Variants in CIB4 observed in about 807,000 individuals in gnomAD.
CIB4 encodes the protein calcium and integrin binding family member 4, also known as calcium and integrin-binding family member 4.
A neutral mutation model predicts 25.8 loss-of-function variants in CIB4; 25 were observed. The ratio of observed to expected loss-of-function variants is 0.97; its 90% CI spans 0.71 to 1.35. The LOEUF is 1.35. CIB4 is among the 40% of genes most tolerant of loss of function. The pLI, the probability that CIB4 is intolerant of heterozygous loss-of-function variation, is 0.00. For synonymous variants in CIB4, 75 were observed against 81.4 expected (o/e 0.92, Z 0.42); for missense variants, 235 against 228.2 (o/e 1.03, Z -0.19).
chr2:26,609,281 AG>A (rs1668951670), intron 3 of CIB4, among the ~76,000 whole-genome samples: 1 of 152,118 alleles, frequency 6.6e-6, no homozygotes, highest in Non-Finnish European at 1.5e-5. Context: ...CAGGCACTCC[AG>A]GATAGAGGCT....
At chr2:26,612,067 C>T (rs1189775852) in intron 3 of CIB4, among the ~76,000 whole-genome samples, 2 of 152,172 alleles carry the variant, frequency 1.3e-5, no homozygotes, top group Non-Finnish European at 2.9e-5. Flanking sequence ...AAGTGCACTC[C>T]AGAGACAATT....
chr2:26,617,147 T>TGTGTGCGCGCGC (rs10665609), intron 3 of CIB4, among the ~76,000 whole-genome samples: 3 of 150,412 alleles, frequency 2.0e-5, no homozygotes, highest in South Asian at 4.2e-4. Context: ...TGTGTGTGTG[T>TGTGTGCGCGCGC]GCACGTGAGC....
At chr2:26,590,329 T>G (rs979660942) in intron 4 of CIB4, among the ~76,000 whole-genome samples, 1 of 144,208 alleles carries the variant, frequency 6.9e-6, no homozygotes, top group African/African-American at 2.5e-5. Context: ...AAGCAGTGGG[T>G]TAGATCAATG....
At chr2:26,606,788 G>A (rs1291998137) in intron 3 of CIB4, among the ~76,000 whole-genome samples, 1 of 152,156 alleles carries the variant, frequency 6.6e-6, no homozygotes, top group East Asian at 1.9e-4. Flanking sequence ...CCCTGTGTTT[G>A]AGATGCTCAA....
chr2:26,584,460 G>A (rs1668412285), intron 4 of CIB4, among the ~76,000 whole-genome samples: 1 of 152,218 alleles, frequency 6.6e-6, no homozygotes. Flanking sequence ...ATCTGGGCAT[G>A]TGCCCTCACC....
intron 4 of CIB4, among the ~76,000 whole-genome samples, chr2:26,590,600 T>G (rs1668571264): frequency 6.6e-6 from 1 of 152,156 alleles, no homozygotes; most frequent in African/African-American, 2.4e-5. Flanking sequence ...TCCTTCTTCA[T>G]CCTTCACTGT....
chr2:26,619,063 G>C (rs569791322), intron 3 of CIB4, among the ~76,000 whole-genome samples: 1 of 152,160 alleles, frequency 6.6e-6, no homozygotes, highest in Non-Finnish European at 1.5e-5. Flanking sequence ...GACCGAACTC[G>C]GTGCACAACC....
At position 26,583,915 on chromosome 2, in the gene CIB4, A is replaced by G; in HGVS notation, c.329-17T>C. ...CATTAAAATCTGCAAAGAAGAGGCCAGGCCTGCATTAGACGGAGCTGGGGG... is the reference window on the plus strand; with the variant it reads ...CATTAAAATCTGCAAAGAAGAGGCCGGGCCTGCATTAGACGGAGCTGGGGG... On this transcript the variant is annotated splice_polypyrimidine_tract_variant and intron_variant, in intron 4 of 6. Coordinates refer to ENST00000288861, the MANE Select transcript of CIB4 (RefSeq NM_001029881.3). 2.0e-6 allele frequency: 3 copies of G among 1,518,828 alleles called. No individual in the cohort carries two copies. Among genetic ancestry groups the G allele is most frequent in the South Asian group, 1.1e-5 (1 of 89,168 alleles). The allele number at this position is 1,518,828 out of a possible 1,614,324, so 94.1% of individuals were successfully genotyped here.
chr2:26,610,416 G>T (rs949489876), intron 3 of CIB4, among the ~76,000 whole-genome samples: 4 of 152,188 alleles, frequency 2.6e-5, no homozygotes, highest in Non-Finnish European at 4.4e-5. Flanking sequence ...TTAAACAACG[G>T]AGTCTAAACC....
At chr2:26,589,188 C>A (rs1385947565) in intron 4 of CIB4, among the ~76,000 whole-genome samples, 2 of 146,210 alleles carry the variant, frequency 1.4e-5, no homozygotes, top group African/African-American at 5.1e-5. Context: ...TCCTCTTCCT[C>A]TTCCTCCCCT....
At position 26,593,399 on chromosome 2, in the gene CIB4, TAC is replaced by T. The variant is rs201318472; in HGVS notation, c.328+1775_328+1776del. ...GCACACATATACACACACACATATA[TAC>T]ACACACATATATACACACACATATA... On this transcript the variant is annotated intron_variant, in intron 4 of 6. Coordinates refer to ENST00000288861, the MANE Select transcript of CIB4 (RefSeq NM_001029881.3). Among the ~76,000 whole-genome samples, 1,008 of 146,452 alleles carry T rather than the reference TAC, an allele frequency of 6.9e-3. 7 individuals are homozygous for T. Among genetic ancestry groups the T allele is most frequent in the Non-Finnish European group, 0.011 (772 of 67,882 alleles).
intron 3 of CIB4, among the ~76,000 whole-genome samples, chr2:26,626,746 G>A (rs561293455): frequency 1.1e-4 from 16 of 152,162 alleles, no homozygotes; most frequent in Non-Finnish European, 1.9e-4. Flanking sequence ...TCCCAGCCCC[G>A]GCCTGTGCAC....
chr2:26,592,982 C>T (rs552832676), intron 4 of CIB4, among the ~76,000 whole-genome samples: 9 of 152,246 alleles, frequency 5.9e-5, no homozygotes, highest in South Asian at 2.1e-4. Context: ...AGGGTGTTTC[C>T]GGAAGAGACT....
rs781601474 is a variant in CIB4, at chr2:26,581,381, A to G, written c.540T>C (p.Ile180=). The G allele has an allele frequency of 5.0e-6, 8 of 1,613,646 alleles. No homozygotes were observed. In the South Asian group the frequency reaches 7.7e-5, roughly 16 times the overall value. Residue 180 remains isoleucine, a synonymous_variant, in exon 7 of 7, where the codon ATT becomes ATC. Coordinates refer to ENST00000288861, the MANE Select transcript of CIB4 (RefSeq NM_001029881.3). Reference sequence around the variant, plus strand: ...CGCTACATCAGCATCCCCAGAAGTGAATCCGAAAGGAGCTGAAAGAAAGAA... The same window carrying G: ...CGCTACATCAGCATCCCCAGAAGTGGATCCGAAAGGAGCTGAAAGAAAGAA... ...KSPDFMNSFR[I]HFWGC is the part of the protein sequence containing the mutation.
intron 3 of CIB4, among the ~76,000 whole-genome samples, chr2:26,599,145 T>C (rs1668736453): frequency 6.6e-6 from 1 of 152,198 alleles, no homozygotes; most frequent in Admixed American, 6.5e-5. Context: ...AAGTGACAGT[T>C]GACAAAGCAA....
At chr2:26,621,252 G>GA (rs10689851) in intron 3 of CIB4, among the ~76,000 whole-genome samples, 37,437 of 101,430 alleles carry the variant, frequency 0.37, 6,809 homozygotes, top group East Asian at 0.49. Context: ...AAGTTTCCAG[G>GA]AAAAAAAAAA....
At chr2:26,614,036 C>G (rs561924232) in intron 3 of CIB4, among the ~76,000 whole-genome samples, 1 of 151,396 alleles carries the variant, frequency 6.6e-6, no homozygotes, top group South Asian at 2.1e-4. Flanking sequence ...CAGCAGCAGG[C>G]CCAGGGCCTG....
chr2:26,637,382 T>C (rs1235766724), intron 2 of CIB4, among the ~76,000 whole-genome samples: 1 of 152,152 alleles, frequency 6.6e-6, no homozygotes, highest in African/African-American at 2.4e-5. Context: ...TTGACCTCTC[T>C]CATCTGCTGT....
intron 3 of CIB4, among the ~76,000 whole-genome samples, chr2:26,613,202 A>C (rs1320894309): frequency 6.6e-6 from 1 of 151,964 alleles, no homozygotes; most frequent in Non-Finnish European, 1.5e-5. Flanking sequence ...CTTTCTCTCG[A>C]CTGAGCCTCC....
Sources: gnomAD v4.1 joint callset for allele counts (sites outside exome capture counted in the v4.1 genomes callset) on GRCh38, gnomAD v4.1.1 for gene constraint, MANE v1.5 for transcripts, NCBI Gene and HGNC (gene_info 2026-07-23, HGNC 2026-07-21) for gene names.